The following ZNF831 variants were observed in gnomAD, a reference collection of about 807,000 sequenced individuals.
ZNF831 encodes the protein zinc finger protein 831.
Under a neutral mutation model 95.8 loss-of-function variants are expected in ZNF831, and 59 were observed. That is an observed-to-expected ratio of 0.62 (90% CI 0.50 to 0.77). The LOEUF is 0.77. Among genes scored for constraint, ZNF831 ranks in the 30% least tolerant of loss-of-function variants. The pLI is 0.00. For missense variants in ZNF831, 2,205 were observed against 2,164.0 expected (o/e 1.02, Z -0.38); for synonymous variants, 961 against 925.5 (o/e 1.04, Z -0.70).
intron 4 of ZNF831, among the ~76,000 whole-genome samples, chr20:59,239,498 G>T (rs7264927): frequency 0.19 from 27,866 of 150,356 alleles, 3,287 homozygotes; most frequent in African/African-American, 0.33. Context: ...CATCTTTTAT[G>T]TGACTTTCAT....
In ZNF831 at chr20:59,194,767, G is replaced by A. The variant is rs1983961288; in HGVS notation, c.3738+10G>A. 6.5e-7 allele frequency: 1 copy of A among 1,540,086 alleles called. No individual in the cohort carries two copies. The highest frequency in any genetic ancestry group is 1.4e-5 in the African/African-American group (1 of 72,510). The stretch of plus-strand genomic sequence containing the variant: ...GGCGCAGATGTCCAAGGTAAAGCTG[G>A]GCTTTGCCCCAGGGCCCGGGGTTGA... On this transcript the variant is annotated intron_variant, in intron 2 of 5. Coordinates refer to ENST00000371030, the MANE Select transcript of ZNF831 (RefSeq NM_178457.3).
In ZNF831 at chr20:59,148,463, C is replaced by T. The variant is rs549566059; in HGVS notation, c.-1281+2089C>T. Reference sequence around the variant, plus strand: ...TTGGGAGGCCGAGACGGGCAGATCACGAGGTCAGGAGATCGAGACCATCCT... The same window carrying T: ...TTGGGAGGCCGAGACGGGCAGATCATGAGGTCAGGAGATCGAGACCATCCT... On this transcript the variant is annotated intron_variant, in intron 2 of 7. Transcript: ENST00000637017. 3.1e-4 allele frequency among the ~76,000 whole-genome samples: 46 copies of T among 146,612 alleles called. 2 individuals carry two copies. Among genetic ancestry groups the T allele is most frequent in the African/African-American group, 1.1e-3 (43 of 39,184 alleles).
chr20:59,146,021 CG>C (rs1979841925), intron 1 of ZNF831, among the ~76,000 whole-genome samples: 2 of 152,080 alleles, frequency 1.3e-5, no homozygotes, highest in South Asian at 2.1e-4. Flanking sequence ...GAAACCCAGC[CG>C]TGTAGCTGCC....
chr20:59,209,068 G>A (rs1258508893), intron 4 of ZNF831, among the ~76,000 whole-genome samples: 1 of 152,186 alleles, frequency 6.6e-6, no homozygotes, highest in East Asian at 1.9e-4. Context: ...CAGACAGACT[G>A]ACCCACTGTC....
intron 4 of ZNF831, among the ~76,000 whole-genome samples, chr20:59,237,239 A>C (rs1987047017): frequency 6.6e-6 from 1 of 152,198 alleles, no homozygotes; most frequent in Non-Finnish European, 1.5e-5. Context: ...TTCAAAGTAG[A>C]TTTTTAGAAG....
chr20:59,150,085 C>CAA (rs1980138044), intron 2 of ZNF831, among the ~76,000 whole-genome samples: 1 of 152,238 alleles, frequency 6.6e-6, no homozygotes, highest in Non-Finnish European at 1.5e-5. Context: ...AACGTGGCCT[C>CAA]ACGTTCACAA....
chr20:59,137,561 C>T (rs758291682), intron 1 of ZNF831, among the ~76,000 whole-genome samples: 39 of 152,212 alleles, frequency 2.6e-4, no homozygotes, highest in Middle Eastern at 3.4e-3. Context: ...CCTTTAATTC[C>T]GTAGAAGTTG....
intron 4 of ZNF831, among the ~76,000 whole-genome samples, chr20:59,229,813 G>A (rs259977): frequency 0.14 from 21,895 of 152,076 alleles, 1,782 homozygotes; most frequent in Middle Eastern, 0.29. Context: ...AGGGGGGAAG[G>A]AAAGAACCTG....
At chr20:59,250,489 G>A (rs1987830244) in intron 4 of ZNF831, among the ~76,000 whole-genome samples, 1 of 152,194 alleles carries the variant, frequency 6.6e-6, no homozygotes. Context: ...AGAACACCAA[G>A]TCAGCTTTTT....
In ZNF831 at chr20:59,164,297, T is replaced by C. The variant is rs536323796; in HGVS notation, c.-37+90T>C. On this transcript the variant is annotated intron_variant, in intron 1 of 5. Coordinates refer to ENST00000371030, the MANE Select transcript of ZNF831 (RefSeq NM_178457.3). ...CTATGTTCTTAATGATATATTTATC[T>C]TCAAGCACGCAGTTAAAGGGAAAAT... Among the ~76,000 whole-genome samples, 6 of 152,344 alleles carry C rather than the reference T, an allele frequency of 3.9e-5. No homozygotes were observed. The South Asian group carries it at 6.2e-4, about 16-fold the overall frequency.
chr20:59,195,795 G>C, intron 2 of ZNF831, 74 bp from the exon 3 acceptor site: 1 of 1,549,032 alleles, frequency 6.5e-7, no homozygotes, highest in Non-Finnish European at 8.7e-7. Context: ...TGTCTGCAGA[G>C]CGAGAACCCT....
chr20:59,137,067 C>G (rs1446000766), intron 1 of ZNF831, among the ~76,000 whole-genome samples: 2 of 152,186 alleles, frequency 1.3e-5, no homozygotes, highest in Non-Finnish European at 2.9e-5. Flanking sequence ...TTAGAAGGAG[C>G]CTGGGTCTTT....
At chr20:59,199,830 C>A (rs1398838929) in intron 3 of ZNF831, among the ~76,000 whole-genome samples, 1 of 152,072 alleles carries the variant, frequency 6.6e-6, no homozygotes, top group South Asian at 2.1e-4. Flanking sequence ...TTTGTTTCTG[C>A]ATGTCAGATC....
chr20:59,133,955 G>A (rs1413015888), intron 1 of ZNF831, among the ~76,000 whole-genome samples: 4 of 152,252 alleles, frequency 2.6e-5, no homozygotes, highest in Non-Finnish European at 4.4e-5. Context: ...ATAAGCACAT[G>A]CCTTCTGGGC....
chr20:59,243,013 C>T (rs531168989), intron 4 of ZNF831, among the ~76,000 whole-genome samples: 20 of 152,310 alleles, frequency 1.3e-4, no homozygotes, highest in African/African-American at 3.9e-4. Context: ...TCTTCAGCTA[C>T]GTGTATACTA....
intron 4 of ZNF831, among the ~76,000 whole-genome samples, chr20:59,231,865 A>G (rs973082838): frequency 3.3e-5 from 5 of 152,200 alleles, no homozygotes; most frequent in East Asian, 1.9e-4. Flanking sequence ...ACTATTGCCC[A>G]CTGAAGAATT....
Position 59,178,991 on chromosome 20 carries a change from C to G in ZNF831, c.-36-11993C>G, listed in dbSNP as rs186662044. On this transcript the variant is annotated intron_variant, in intron 1 of 5. Coordinates refer to ENST00000371030, the MANE Select transcript of ZNF831 (RefSeq NM_178457.3). Reference sequence around the variant, plus strand: ...TCCCCATATGTCGTGTCCTTTTACCCATCCTCCACCCCCAGCATGAAGGAC... The same window carrying G: ...TCCCCATATGTCGTGTCCTTTTACCGATCCTCCACCCCCAGCATGAAGGAC... 6.6e-5 allele frequency among the ~76,000 whole-genome samples: 10 copies of G among 152,318 alleles called. No individual in the cohort carries two copies. In the East Asian group the frequency reaches 1.5e-3, roughly 24 times the overall value.
chr20:59,196,431 G>C (rs1254040350), intron 3 of ZNF831, among the ~76,000 whole-genome samples: 1 of 152,122 alleles, frequency 6.6e-6, no homozygotes, highest in East Asian at 1.9e-4. Flanking sequence ...GAACATTCAG[G>C]AGTGTGCCCT....
chr20:59,224,835 G>A (rs920265453), intron 4 of ZNF831, among the ~76,000 whole-genome samples: 8 of 152,236 alleles, frequency 5.3e-5, no homozygotes, highest in African/African-American at 1.7e-4. Context: ...AATTAAATAT[G>A]TTATTGATTT....
Sources: allele counts gnomAD v4.1 joint callset (sites outside exome capture counted in the v4.1 genomes callset), GRCh38; gene constraint gnomAD v4.1.1; transcripts MANE v1.5; gene names NCBI Gene and HGNC (gene_info 2026-07-23, HGNC 2026-07-21).